SUSD3: variants seen among roughly 807,000 people sequenced by gnomAD.
SUSD3 encodes the protein sushi domain-containing protein 3.
SUSD3 carries 18 observed loss-of-function variants against 20.6 expected under a neutral mutation model. That is an observed-to-expected ratio of 0.87 (90% CI 0.60 to 1.30). The LOEUF (loss-of-function observed/expected upper bound fraction) is 1.30, where lower values mean the gene tolerates loss of function less well. Among genes scored for constraint, SUSD3 ranks in the 50% most tolerant of loss-of-function variants. SUSD3 has a pLI of 0.00. For missense variants in SUSD3, 306 were observed against 346.9 expected, an observed-to-expected ratio of 0.88 and a Z score of 0.94; for synonymous variants, 137 against 141.5, an observed-to-expected ratio of 0.97 and a Z score of 0.23.
chr9:93,059,385 G>A (rs973618217), intron 1 of SUSD3, among the ~76,000 whole-genome samples: 6 of 152,256 alleles, frequency 3.9e-5, no homozygotes, highest in African/African-American at 1.4e-4. Context: ...GGCTGTCTCG[G>A]AGGAGGCTCA....
At chr9:93,075,080 G>A (rs1384001489) in intron 1 of SUSD3, among the ~76,000 whole-genome samples, 2 of 152,092 alleles carry the variant, frequency 1.3e-5, no homozygotes, top group South Asian at 4.1e-4. Flanking sequence ...CCTCACCGAC[G>A]CAGGAAAAAT....
At chr9:93,076,075 A>C (rs1330340997) in intron 2 of SUSD3, 103 bp downstream of exon 2, 1 of 1,024,150 alleles carries the variant, frequency 9.8e-7, no homozygotes, top group Non-Finnish European at 1.4e-6. Flanking sequence ...GTCTACTCAC[A>C]AGCAGCTAGG....
rs1825378507 is a variant in SUSD3 at position 93,058,728 on chromosome 9, C to T, written c.-15C>T. ...TCCCCTGGCAGACCCCGCCAAGCGC[C>T]TCGGAGCGCGCAGGATGCGCTGGGC... is the stretch of plus-strand genomic sequence containing the variant. On this transcript the variant is annotated 5_prime_UTR_variant, in exon 1 of 5. Transcript: ENST00000375472. The T allele has an allele frequency of 4.9e-6, 6 of 1,231,378 alleles. No homozygotes were observed. Among genetic ancestry groups the T allele is most frequent in the South Asian group, 3.8e-5 (1 of 26,072 alleles). The allele number at this position is 1,231,378 out of a possible 1,614,324, so 76.3% of individuals were successfully genotyped here.
chr9:93,083,910 G>T (rs949394604), intron 4 of SUSD3, among the ~76,000 whole-genome samples: 2 of 152,160 alleles, frequency 1.3e-5, no homozygotes, highest in African/African-American at 4.8e-5. Context: ...GAGGGGAGGA[G>T]AGGACATGCA....
intron 1 of SUSD3, among the ~76,000 whole-genome samples, chr9:93,068,308 C>T (rs1825790714): frequency 6.6e-6 from 1 of 152,152 alleles, no homozygotes; most frequent in Admixed American, 6.5e-5. Context: ...ATGTTTTCTT[C>T]TAAGAGTTTC....
chr9:93,069,237 T>C (rs1335381585), intron 1 of SUSD3: 1 of 677,068 alleles, frequency 1.5e-6, no homozygotes, highest in Non-Finnish European at 2.7e-6. Context: ...GTCAGTCACT[T>C]AGTAGCCCTC....
At chr9:93,066,052 G>C (rs569832059) in intron 1 of SUSD3, among the ~76,000 whole-genome samples, 13 of 152,234 alleles carry the variant, frequency 8.5e-5, no homozygotes, top group African/African-American at 3.1e-4. Context: ...TCTGCCTCCT[G>C]CTGATCTCAG....
At chr9:93,079,084 G>T (rs566742853) in intron 3 of SUSD3, among the ~76,000 whole-genome samples, 14 of 152,304 alleles carry the variant, frequency 9.2e-5, no homozygotes, top group African/African-American at 3.4e-4. Context: ...TTACAGGCAT[G>T]AGCCACTGCG....
chr9:93,073,247 T>C (rs1301992800), intron 1 of SUSD3, among the ~76,000 whole-genome samples: 1 of 146,510 alleles, frequency 6.8e-6, no homozygotes, highest in Non-Finnish European at 1.5e-5. Flanking sequence ...CCCTGTTCTT[T>C]TTTTTTTTTT....
intron 1 of SUSD3, among the ~76,000 whole-genome samples, chr9:93,075,248 C>T (rs1826080893): frequency 6.6e-6 from 1 of 152,066 alleles, no homozygotes; most frequent in South Asian, 2.1e-4. Flanking sequence ...TGTAAGACCT[C>T]TTCATAGATT....
intron 1 of SUSD3, among the ~76,000 whole-genome samples, chr9:93,064,675 A>C (rs1564185233): frequency 6.6e-6 from 1 of 152,204 alleles, no homozygotes; most frequent in Non-Finnish European, 1.5e-5. Flanking sequence ...TCAGCACAAC[A>C]CACGGGCGGG....
Position 93,075,687 on chromosome 9 carries a change from T to G in SUSD3, c.89-97T>G, listed in dbSNP as rs113979662. 0.049 allele frequency: 41,691 copies of G among 844,384 alleles called. 1,644 individuals are homozygous for G. The highest frequency in any genetic ancestry group is 0.06 in the Non-Finnish European group (32,761 of 544,280). 52.3% of individuals were successfully genotyped at this position (844,384 alleles called of 1,614,324 possible). On this transcript the variant is annotated intron_variant, in intron 1 of 4. Coordinates refer to ENST00000375472, the MANE Select transcript of SUSD3 (RefSeq NM_145006.4). ...TGCACCCCACCCCTGTGCTCCCCAA[T>G]GCTGTGCCAGCTCCTCACTCCAGGG...
intron 1 of SUSD3, among the ~76,000 whole-genome samples, chr9:93,061,457 G>A (rs1825503397): frequency 6.6e-6 from 1 of 152,260 alleles, no homozygotes; most frequent in Non-Finnish European, 1.5e-5. Flanking sequence ...CAGGGATGTG[G>A]GAGTACATGT....
chr9:93,063,538 G>C (rs914392817), intron 1 of SUSD3, among the ~76,000 whole-genome samples: 1 of 152,182 alleles, frequency 6.6e-6, no homozygotes, highest in Non-Finnish European at 1.5e-5. Flanking sequence ...AGGGGGCATT[G>C]CCGGTCAGTG....
chr9:93,067,751 C>CT (rs139591731), intron 1 of SUSD3, among the ~76,000 whole-genome samples: 2,410 of 152,228 alleles, frequency 0.016, 61 homozygotes, highest in African/African-American at 0.054. Context: ...GGGCCCACCA[C>CT]TACGCCTGGC....
chr9:93,072,105 G>A (rs530760387), intron 1 of SUSD3, among the ~76,000 whole-genome samples: 27 of 152,128 alleles, frequency 1.8e-4, no homozygotes, highest in Non-Finnish European at 3.5e-4. Context: ...TAGGCCCCCA[G>A]TGTTGTCTGT....
At chr9:93,070,831 A>G (rs1825882665) in intron 1 of SUSD3, among the ~76,000 whole-genome samples, 1 of 152,220 alleles carries the variant, frequency 6.6e-6, no homozygotes. Context: ...GTCACCCAAC[A>G]GCTGCTGAAG....
chr9:93,083,364 C>T (rs553676080), intron 4 of SUSD3, among the ~76,000 whole-genome samples: 1 of 152,310 alleles, frequency 6.6e-6, no homozygotes, highest in South Asian at 2.1e-4. Context: ...GCCCCGGGCT[C>T]CCAGGCAGGA....
chr9:93,078,401 G>A (rs1187303435), intron 3 of SUSD3, among the ~76,000 whole-genome samples: 1 of 152,058 alleles, frequency 6.6e-6, no homozygotes. Context: ...TGGGATTATA[G>A]GTATGTACCA....
Sources: gnomAD v4.1 joint callset for allele counts (sites outside exome capture counted in the v4.1 genomes callset) on GRCh38, gnomAD v4.1.1 for gene constraint, MANE v1.5 for transcripts, NCBI Gene and HGNC (gene_info 2026-07-23, HGNC 2026-07-21) for gene names.